AHI1: variants seen among roughly 807,000 people sequenced by gnomAD.
AHI1 encodes the protein Abelson helper integration site 1.
Under a neutral mutation model 149.3 loss-of-function variants are expected in AHI1, and 123 were observed. The observed-to-expected ratio is 0.82, with a 90% CI of 0.71 to 0.96. The LOEUF is 0.96. AHI1 is among the 40% of genes least tolerant of loss of function. The pLI, the probability that AHI1 is intolerant of heterozygous loss-of-function variation, is 0.00. For missense variants in AHI1, 1,439 were observed against 1,422.7 expected, an observed-to-expected ratio of 1.01 and a Z score of -0.18; for synonymous variants, 475 against 459.8, an observed-to-expected ratio of 1.03 and a Z score of -0.42.
intron 26 of AHI1, among the ~76,000 whole-genome samples, chr6:135,312,311 G>C (rs902257780): frequency 6.6e-6 from 1 of 152,072 alleles, no homozygotes; most frequent in African/African-American, 2.4e-5. Flanking sequence ...TCAGGAGTTC[G>C]AGGCCAGCCT....
At chr6:135,463,067 T>C in intron 8 of AHI1, 58 bp downstream of exon 8, 1 of 1,421,044 alleles carries the variant, frequency 7.0e-7, no homozygotes, top group African/African-American at 1.4e-5. Flanking sequence ...CTAAAATTCC[T>C]AGAATCAAGT....
intron 22 of AHI1, among the ~76,000 whole-genome samples, chr6:135,398,974 A>C (rs1779647730): frequency 1.3e-5 from 2 of 152,186 alleles, no homozygotes; most frequent in South Asian, 4.1e-4. Flanking sequence ...ACTTGAGTCC[A>C]AGAGTTCAAG....
intron 24 of AHI1, among the ~76,000 whole-genome samples, chr6:135,333,606 T>C (rs985945580): frequency 6.6e-6 from 1 of 152,226 alleles, no homozygotes; most frequent in African/African-American, 2.4e-5. Flanking sequence ...TGTTCCTATC[T>C]TGCTGTATAA....
chr6:135,407,750 T>C lies in AHI1; in HGVS notation c.2962-2773A>G, dbSNP rs576294035. Among the ~76,000 whole-genome samples the C allele has an allele frequency of 1.7e-3, 260 of 152,258 alleles. 1 individual carries two copies. Among genetic ancestry groups the C allele is most frequent in the Middle Eastern group, 0.017 (5 of 294 alleles). ...TTTTTCTGCCGGGCACAGTGGCTCA[T>C]GCCTGTAATCCCAGCACTTTGGGAG... On this transcript the variant is annotated intron_variant, in intron 21 of 28. Transcript: ENST00000265602.
chr6:135,284,770 A>T lies in AHI1; in HGVS notation c.*875T>A, dbSNP rs1781516633. 6.6e-6 allele frequency: 1 copy of T among 152,218 alleles called. No homozygotes were observed. The highest frequency in any genetic ancestry group is 6.5e-5 in the Admixed American group (1 of 15,282). The allele number at this position is 152,218 out of a possible 1,614,324, so 9.4% of individuals were successfully genotyped here. On this transcript the variant is annotated 3_prime_UTR_variant, in exon 29 of 29. Coordinates refer to ENST00000265602, the MANE Select transcript of AHI1 (RefSeq NM_001134831.2). ...TTAATTTAGGTCTATGAAGTTACCTATATGATTTGATCTTAAGAAACACAA... is the reference window on the plus strand; with the variant it reads ...TTAATTTAGGTCTATGAAGTTACCTTTATGATTTGATCTTAAGAAACACAA...
chr6:135,372,118 A>G (rs1775155337), intron 23 of AHI1, among the ~76,000 whole-genome samples: 1 of 152,226 alleles, frequency 6.6e-6, no homozygotes, highest in Admixed American at 6.5e-5. Flanking sequence ...GTAACTTGCA[A>G]CTGATGAGAC....
intron 14 of AHI1, among the ~76,000 whole-genome samples, chr6:135,440,959 AG>A (rs1464316217): frequency 6.6e-6 from 1 of 151,958 alleles, no homozygotes. Context: ...GCCCATACAC[AG>A]GGGAAAAAAG....
At chr6:135,428,012 G>GA (rs1287353632) in intron 19 of AHI1, among the ~76,000 whole-genome samples, 1 of 151,090 alleles carries the variant, frequency 6.6e-6, no homozygotes, top group African/African-American at 2.4e-5. Context: ...AAAAAACAAG[G>GA]AAAAAATCAA....
chr6:135,294,240 C>T (rs1369084605), intron 27 of AHI1, among the ~76,000 whole-genome samples: 1 of 152,040 alleles, frequency 6.6e-6, no homozygotes, highest in Non-Finnish European at 1.5e-5. Context: ...GCAGGAGAAT[C>T]ACCTGAACCC....
intron 26 of AHI1, chr6:135,301,396 A>C: frequency 1.0e-6 from 1 of 983,496 alleles, no homozygotes; most frequent in Non-Finnish European, 1.2e-6. Flanking sequence ...AATGAAAGAA[A>C]AGGAATACAA....
intron 24 of AHI1, among the ~76,000 whole-genome samples, chr6:135,337,167 A>C (rs575396837): frequency 1.5e-4 from 23 of 152,242 alleles, no homozygotes; most frequent in African/African-American, 5.1e-4. Context: ...CCAAAAAAAA[A>C]GGGTCTTAAA....
At chr6:135,459,875 A>G (rs1305932009) in intron 8 of AHI1, among the ~76,000 whole-genome samples, 1 of 152,188 alleles carries the variant, frequency 6.6e-6, no homozygotes, top group Non-Finnish European at 1.5e-5. Context: ...ATGATTGCAT[A>G]TGTAGAAAAA....
At chr6:135,424,255 C>T (rs1197182034) in intron 20 of AHI1, among the ~76,000 whole-genome samples, 2 of 151,968 alleles carry the variant, frequency 1.3e-5, no homozygotes, top group Non-Finnish European at 2.9e-5. Flanking sequence ...GCCCCTATGT[C>T]ATAAGATTAT....
intron 19 of AHI1, 110 bp downstream of exon 19, chr6:135,428,519 C>A: frequency 7.8e-7 from 1 of 1,285,452 alleles, no homozygotes; most frequent in Non-Finnish European, 1.0e-6. Context: ...TAATTGAAAA[C>A]CCAAAATCAG....
At chr6:135,354,816 T>G (rs1792708105) in intron 24 of AHI1, among the ~76,000 whole-genome samples, 1 of 152,168 alleles carries the variant, frequency 6.6e-6, no homozygotes, top group Non-Finnish European at 1.5e-5. Flanking sequence ...TGAATGAATA[T>G]CATTCAGGAC....
At chr6:135,383,657 A>G (rs1222850921) in intron 23 of AHI1, among the ~76,000 whole-genome samples, 1 of 152,178 alleles carries the variant, frequency 6.6e-6, no homozygotes, top group African/African-American at 2.4e-5. Flanking sequence ...AAAGTTATAG[A>G]AAAACCTATT....
chr6:135,412,937 C>T (rs1184225275), intron 20 of AHI1, among the ~76,000 whole-genome samples: 2 of 152,052 alleles, frequency 1.3e-5, no homozygotes, highest in African/African-American at 2.4e-5. Context: ...GGTTATCCAT[C>T]GAAGGATTAC....
chr6:135,302,511 T>C (rs552709580), intron 26 of AHI1: 1 of 1,018,496 alleles, frequency 9.8e-7, no homozygotes, highest in Admixed American at 5.4e-5. Flanking sequence ...TTAAACATGG[T>C]CCCTGCCATC....
intron 24 of AHI1, among the ~76,000 whole-genome samples, chr6:135,326,795 G>A (rs1787772873): frequency 6.6e-6 from 1 of 151,964 alleles, no homozygotes; most frequent in African/African-American, 2.4e-5. Context: ...CCTGACCTCA[G>A]GTGATCCGCC....
Sources: allele counts gnomAD v4.1 joint callset (sites outside exome capture counted in the v4.1 genomes callset), GRCh38; gene constraint gnomAD v4.1.1; transcripts MANE v1.5; gene names NCBI Gene and HGNC (gene_info 2026-07-23, HGNC 2026-07-21).